CFAP74: variants seen among roughly 807,000 people sequenced by gnomAD.
CFAP74 encodes the protein cilia- and flagella-associated protein 74.
Under a neutral mutation model 188.9 loss-of-function variants are expected in CFAP74, and 124 were observed. That is an observed-to-expected ratio of 0.66 (90% confidence interval 0.57 to 0.76). The LOEUF (loss-of-function observed/expected upper bound fraction) is 0.76. CFAP74 is among the 30% of genes least tolerant of loss of function. The probability of loss-of-function intolerance (pLI) is 0.00; values close to 1 mark genes in which losing one functional copy is unlikely to be tolerated. For missense variants in CFAP74, 2,198 were observed against 2,165.2 expected (o/e 1.02, Z -0.30); for synonymous variants, 956 against 916.7 (o/e 1.04, Z -0.77).
chr1:1,962,877 A>G (rs986980771), intron 14 of CFAP74, among the ~76,000 whole-genome samples: 1 of 152,242 alleles, frequency 6.6e-6, no homozygotes, highest in Non-Finnish European at 1.5e-5. Context: ...TGACAGAGCA[A>G]GACCCTGTCA....
intron 26 of CFAP74, 134 bp downstream of exon 26, chr1:1,929,926 T>G: frequency 9.7e-7 from 1 of 1,035,722 alleles, no homozygotes; most frequent in South Asian, 1.8e-5. Flanking sequence ...GGTCTGAGGG[T>G]CAGGTTCACT....
At chr1:1,979,778 C>T (rs7540978) in intron 6 of CFAP74, among the ~76,000 whole-genome samples, 1 of 69,064 alleles carries the variant, frequency 1.4e-5, no homozygotes, top group Non-Finnish European at 3.0e-5. Flanking sequence ...GTGGTACTGA[C>T]CTGGGTGTGG....
intron 26 of CFAP74, 76 bp from the exon 27 acceptor site, chr1:1,928,958 G>A (rs552243744): frequency 6.1e-5 from 60 of 990,736 alleles, no homozygotes; most frequent in East Asian, 7.9e-5. Context: ...GCACTCTACC[G>A]TCCTCTGCCC....
At chr1:1,946,124 G>A (rs1653758244) in intron 20 of CFAP74, among the ~76,000 whole-genome samples, 193 bp downstream of exon 20, 1 of 152,076 alleles carries the variant, frequency 6.6e-6, no homozygotes, top group Non-Finnish European at 1.5e-5. Context: ...ATGCCTGCCT[G>A]TGTATGCCAG....
rs1655478825 is a variant in CFAP74, at chr1:1,966,457, C to T, written c.1315G>A (p.Gly439Arg). 1.2e-6 allele frequency: 2 copies of T among 1,606,612 alleles called. No homozygotes were observed. The highest frequency in any genetic ancestry group is 8.5e-7 in the Non-Finnish European group (1 of 1,175,922). Residue 439 changes from glycine to arginine, a missense_variant, in exon 12 of 39, where the codon GGG (glycine) becomes AGG (arginine). Transcript: ENST00000682832. Reference sequence around the variant, plus strand: ...TCCTCTGAGCTGGCCCCGGGGTCCCCCTGGATAAGCTCACTGGAAACGACT... The same window carrying T: ...TCCTCTGAGCTGGCCCCGGGGTCCCTCTGGATAAGCTCACTGGAAACGACT... ...LEVVSSELIQ[G>R]DPGASSEEET...
chr1:1,959,023 C>T (rs115572050), intron 16 of CFAP74, 97 bp downstream of exon 16: 245 of 820,254 alleles, frequency 3.0e-4, no homozygotes, highest in Non-Finnish European at 4.2e-4. Flanking sequence ...CTGGTCCCCC[C>T]GCCAACCTGC....
rs754915158 is a variant in CFAP74 at position 1,968,700 on chromosome 1, T to C, written c.1180A>G (p.Lys394Glu). The change falls in exon 11 of 39, where the codon AAG (lysine) becomes GAG (glutamate). Residue 394 changes from lysine to glutamate, a missense_variant. Coordinates refer to ENST00000682832, the MANE Select transcript of CFAP74 (RefSeq NM_001304360.2). The surrounding 1 kb of genome is among the most constrained non-coding windows in gnomAD (Gnocchi z 4.3). ...AAGTCAGAAATGTAGTTCCAGGTCT[T>C]GTCCCTCAGGGTCAGCCGGTGCCTG... The part of the protein sequence containing the change: ...SARHRLTLRD[K>E]TWNYISDFCK... 2.1e-5 allele frequency: 34 copies of C among 1,614,150 alleles called. No individual in the cohort carries two copies. The highest frequency in any genetic ancestry group is 2.7e-5 in the Non-Finnish European group (32 of 1,179,998).
In CFAP74 at chr1:1,966,452, G is replaced by A; in HGVS notation, c.1320C>T (p.Asp440=). The change falls in exon 12 of 39, where the codon GAC becomes GAT. Residue 440 remains aspartate, a synonymous_variant. Coordinates refer to ENST00000682832, the MANE Select transcript of CFAP74 (RefSeq NM_001304360.2). ...TTTCCTCCTCTGAGCTGGCCCCGGG[G>A]TCCCCCTGGATAAGCTCACTGGAAA... The part of the protein sequence containing the change: ...EVVSSELIQG[D]PGASSEEETL... 2 of 1,606,612 alleles carry A rather than the reference G, an allele frequency of 1.2e-6. No individual in the cohort carries two copies. Among genetic ancestry groups the A allele is most frequent in the Non-Finnish European group, 1.7e-6 (2 of 1,175,958 alleles).
At position 1,944,415 on chromosome 1, in the gene CFAP74, G is replaced by A. The variant is rs1448762320; in HGVS notation, c.2402C>T (p.Pro801Leu). The change falls in exon 21 of 39, where the codon CCG becomes CTG. Residue 801 changes from proline (P) to leucine (L), a missense_variant. Transcript: ENST00000682832. ...CACGCTGGGCTTCGGCACCCAGACC[G>A]GCACATCGATGGCCACGCCCACGAC... The part of the protein sequence containing the change: ...FRVVGVAIDV[P>L]VWVPKPSVDL... 64 of 1,535,962 alleles carry A rather than the reference G, an allele frequency of 4.2e-5. No individual in the cohort carries two copies. Among genetic ancestry groups the A allele is most frequent in the East Asian group, 7.3e-5 (3 of 40,930 alleles).
chr1:1,986,097 G>C (rs553564563), intron 5 of CFAP74, among the ~76,000 whole-genome samples: 1 of 152,202 alleles, frequency 6.6e-6, no homozygotes, highest in South Asian at 2.1e-4. Context: ...TCAAAACCCT[G>C]CAGAGGGCTG....
At chr1:1,965,106 C>G (rs1655379147) in intron 12 of CFAP74, 45 bp from the exon 13 acceptor site, 1 of 1,580,452 alleles carries the variant, frequency 6.3e-7, no homozygotes, top group African/African-American at 1.4e-5. Flanking sequence ...GCGGCTCCAC[C>G]TGGGCGGCGC....
At chr1:1,955,340 C>T (rs1654522855) in intron 18 of CFAP74, 1 of 1,323,986 alleles carries the variant, frequency 7.6e-7, no homozygotes, top group Non-Finnish European at 9.9e-7. Flanking sequence ...TAACAACAGC[C>T]ACAGCTGCAG....
At chr1:1,982,413 C>G (rs1392403613) in intron 6 of CFAP74, among the ~76,000 whole-genome samples, 2 of 152,244 alleles carry the variant, frequency 1.3e-5, no homozygotes, top group African/African-American at 4.8e-5. Flanking sequence ...TGCAGGACAC[C>G]CCGCCAGGGA....
At position 1,968,068 on chromosome 1, in the gene CFAP74, ATGAG is replaced by A. The variant is rs1225573889; in HGVS notation, c.1245+563_1245+566del. 4.6e-5 allele frequency among the ~76,000 whole-genome samples: 7 copies of A among 152,238 alleles called. No individual in the cohort carries two copies. The highest frequency in any genetic ancestry group is 4.1e-4 in the South Asian group (2 of 4,824). ...AGTGTATCAGTGAGTGAGTGAATGAATGAGTGAATGAGTAAAGAGTGAATGAGTG... is the reference window on the plus strand; with the variant it reads ...AGTGTATCAGTGAGTGAGTGAATGAATGAATGAGTAAAGAGTGAATGAGTG... On this transcript the variant is annotated intron_variant, in intron 11 of 38. Transcript: ENST00000682832. This position sits in a 1 kb window ranked among gnomAD's most constrained non-coding sequence, Gnocchi z 4.3.
In CFAP74 at chr1:1,944,350, A is replaced by T. The variant is rs1653603872; in HGVS notation, c.2467T>A (p.Ser823Thr). The change falls in exon 21 of 39, where the codon TCT becomes ACT. Residue 823 changes from serine to threonine, a missense_variant. By Grantham distance (58) the Ser-to-Thr change is moderately conservative. Coordinates refer to ENST00000682832, the MANE Select transcript of CFAP74 (RefSeq NM_001304360.2). Reference protein sequence around the residue: ...ICMYDRLYQDSVLVHTRSKAA... With the variant: ...ICMYDRLYQDTVLVHTRSKAA... ...GCTCACCGCGTGTGCACGAGCACAG[A>T]GTCCTGGTAGAGCCGGTCATACATG... 2 of 1,535,746 alleles carry T rather than the reference A, an allele frequency of 1.3e-6. No homozygotes were observed. The highest frequency in any genetic ancestry group is 1.4e-5 in the African/African-American group (1 of 73,136).
intron 9 of CFAP74, among the ~76,000 whole-genome samples, chr1:1,971,107 G>T (rs111203464): frequency 4.6e-5 from 6 of 130,654 alleles, no homozygotes; most frequent in African/African-American, 6.4e-5. Flanking sequence ...CTGCACACGT[G>T]TGCACACACA....
Position 1,973,998 on chromosome 1 carries a change from A to T in CFAP74, c.674+27T>A, listed in dbSNP as rs1469544210. On this transcript the variant is annotated intron_variant, in intron 7 of 38. Transcript: ENST00000682832. This position sits in a 1 kb window ranked among gnomAD's most constrained non-coding sequence, Gnocchi z 6.2. Reference sequence around the variant, plus strand: ...GGCTGGCAGAAGCTGCTGGGAAGGGATGGAGGTGGGCCTGGGTGTCGCCTA... The same window carrying T: ...GGCTGGCAGAAGCTGCTGGGAAGGGTTGGAGGTGGGCCTGGGTGTCGCCTA... 6.6e-7 allele frequency: 1 copy of T among 1,515,030 alleles called. No individual in the cohort carries two copies. The highest frequency in any genetic ancestry group is 1.4e-5 in the African/African-American group (1 of 72,022). 93.8% of individuals were successfully genotyped at this position (1,515,030 alleles called of 1,614,324 possible).
intron 18 of CFAP74, among the ~76,000 whole-genome samples, chr1:1,947,465 C>T (rs936595116): frequency 1.3e-5 from 2 of 152,224 alleles, no homozygotes; most frequent in Non-Finnish European, 1.5e-5. Flanking sequence ...CTGCTACTGG[C>T]GTGTTTGAGT....
At position 1,974,018 on chromosome 1, in the gene CFAP74, C is replaced by T. The variant is rs752048695; in HGVS notation, c.674+7G>A. ...AAGGGATGGAGGTGGGCCTGGGTGT[C>T]GCCTACCTGATCCTCAGCAGTCGGT... On this transcript the variant is annotated splice_region_variant and intron_variant, in intron 7 of 38. Transcript: ENST00000682832. The T allele has an allele frequency of 8.4e-6, 13 of 1,547,764 alleles. 1 individual carries two copies. Among genetic ancestry groups the T allele is most frequent in the Middle Eastern group, 4.4e-4 (2 of 4,574 alleles).
Sources: gnomAD v4.1 joint callset for allele counts (sites outside exome capture counted in the v4.1 genomes callset) on GRCh38, gnomAD v4.1.1 for gene constraint, Gnocchi (gnomAD v3.1) non-coding constraint, MANE v1.5 for transcripts, NCBI Gene and HGNC (gene_info 2026-07-23, HGNC 2026-07-21) for gene names.